The following ANKHD1 variants were observed in gnomAD, a reference collection of about 807,000 sequenced individuals.
The protein encoded by ANKHD1 is ankyrin repeat and KH domain-containing protein 1.
ANKHD1 carries 31 observed loss-of-function variants against 230.5 expected under a neutral mutation model. The ratio of observed to expected loss-of-function variants is 0.13; its 90% CI spans 0.10 to 0.18. ANKHD1 has a LOEUF of 0.18. Ranked by LOEUF, ANKHD1 falls within the 10% of genes least tolerant of loss-of-function variation. ANKHD1 has a pLI of 1.00. For synonymous variants in ANKHD1, 1,074 were observed against 1,117.6 expected, an observed-to-expected ratio of 0.96 and a Z score of 0.78; for missense variants, 2,256 against 3,071.3, an observed-to-expected ratio of 0.73 and a Z score of 6.27.
At chr5:140,437,157 T>C (rs765488287) in intron 2 of ANKHD1, among the ~76,000 whole-genome samples, 1 of 152,224 alleles carries the variant, frequency 6.6e-6, no homozygotes, top group Non-Finnish European at 1.5e-5. Context: ...ATATAATTTA[T>C]TGTGGGTATC....
At position 140,401,847 on chromosome 5, in the gene ANKHD1, G is replaced by C; in HGVS notation, c.-121G>C. The C allele has an allele frequency of 1.4e-6, 2 of 1,395,090 alleles. No homozygotes were observed. Among genetic ancestry groups the C allele is most frequent in the Non-Finnish European group, 1.9e-6 (2 of 1,077,514 alleles). The allele number at this position is 1,395,090 out of a possible 1,614,324, so 86.4% of individuals were successfully genotyped here. A position where few individuals can be genotyped will look rare whatever the true frequency, so the allele number is the denominator to read the frequency against. ...GCAGGTTAGGCAGTGAGAAGTTAGT[G>C]GCGCTGCTGGGACGGGGGAAAGGAG... On this transcript the variant is annotated 5_prime_UTR_variant, in exon 1 of 34. Coordinates refer to ENST00000360839, the MANE Select transcript of ANKHD1 (RefSeq NM_017747.3).
intron 1 of ANKHD1, 62 bp downstream of exon 1, chr5:140,402,335 T>A (rs1770012831): frequency 7.2e-7 from 1 of 1,395,312 alleles, no homozygotes; most frequent in Admixed American, 3.2e-5. Flanking sequence ...TTGGGTAGGC[T>A]CTGGGCCGGG....
Position 140,527,965 on chromosome 5 carries a change from C to G in ANKHD1, c.5180C>G (p.Ala1727Gly). The change falls in exon 28 of 34, where the codon GCC becomes GGC. Residue 1727 changes from alanine to glycine, a missense_variant. Coordinates refer to ENST00000360839, the MANE Select transcript of ANKHD1 (RefSeq NM_017747.3). This position sits in a 1 kb window ranked among gnomAD's most constrained non-coding sequence, Gnocchi z 4.5. ...ACTGCAATACAGGATGTTACTGGTG[C>G]CCATATTGATGTGGATAAACAAAAA... ...NITAIQDVTG[A>G]HIDVDKQKDK... 6.2e-7 allele frequency: 1 copy of G among 1,613,656 alleles called. No individual in the cohort carries two copies. Among genetic ancestry groups the G allele is most frequent in the African/African-American group, 1.3e-5 (1 of 74,918 alleles).
intron 20 of ANKHD1, among the ~76,000 whole-genome samples, chr5:140,508,393 C>A (rs1561811571): frequency 6.6e-6 from 1 of 152,108 alleles, no homozygotes; most frequent in Non-Finnish European, 1.5e-5. Flanking sequence ...AAAATTAGGG[C>A]AGCTAACATC....
chr5:140,439,200 C>T lies in ANKHD1; in HGVS notation c.617+583C>T, dbSNP rs1431574033. ...TGGTAAAATAGTTTTCTTAGGTTTT[C>T]GCCTTCACTGTTACTAAGTAAAAAT... is the stretch of plus-strand genomic sequence containing the variant. On this transcript the variant is annotated intron_variant, in intron 3 of 33. Coordinates refer to ENST00000360839, the MANE Select transcript of ANKHD1 (RefSeq NM_017747.3). Among the ~76,000 whole-genome samples the T allele has an allele frequency of 4.6e-5, 7 of 152,234 alleles. No homozygotes were observed. In the East Asian group the frequency reaches 7.7e-4, roughly 17 times the overall value.
intron 23 of ANKHD1, among the ~76,000 whole-genome samples, 186 bp downstream of exon 23, chr5:140,513,109 CTG>C (rs1195441677): frequency 7.9e-5 from 12 of 152,198 alleles, no homozygotes; most frequent in Non-Finnish European, 1.6e-4. Flanking sequence ...GAGATTTCTA[CTG>C]TGGACCATAG....
Position 140,507,643 on chromosome 5 carries a change from T to C in ANKHD1, c.3552-142T>C. ...TTTAAATTGTGACATTTTCTTATTC[T>C]TTATTATTGGTCGAAACAAGTAAAA... On this transcript the variant is annotated intron_variant, in intron 19 of 33. Coordinates refer to ENST00000360839, the MANE Select transcript of ANKHD1 (RefSeq NM_017747.3). This position sits in a 1 kb window ranked among gnomAD's most constrained non-coding sequence, Gnocchi z 4.1. 1.9e-6 allele frequency: 2 copies of C among 1,059,084 alleles called. No individual in the cohort carries two copies. The highest frequency in any genetic ancestry group is 2.7e-6 in the Non-Finnish European group (2 of 752,046). The allele number at this position is 1,059,084 out of a possible 1,614,324, so 65.6% of individuals were successfully genotyped here.
chr5:140,511,759 C>A (rs1429322443), intron 22 of ANKHD1, among the ~76,000 whole-genome samples: 5 of 152,136 alleles, frequency 3.3e-5, no homozygotes, highest in Non-Finnish European at 5.9e-5. Context: ...ATACATGTAA[C>A]CCATACCCCA....
intron 6 of ANKHD1, among the ~76,000 whole-genome samples, 178 bp from the exon 7 acceptor site, chr5:140,449,033 A>G (rs954107469): frequency 1.3e-5 from 2 of 152,228 alleles, no homozygotes; most frequent in South Asian, 2.1e-4. Context: ...AAGACCTTGA[A>G]AAAAGCCTGT....
chr5:140,508,092 C>A, intron 20 of ANKHD1, 94 bp downstream of exon 20: 1 of 1,425,666 alleles, frequency 7.0e-7, no homozygotes, highest in Non-Finnish European at 9.3e-7. Flanking sequence ...TTTAAATTAT[C>A]ATAAATTAAA....
Position 140,476,767 on chromosome 5 carries a change from G to C in ANKHD1, c.1783-5813G>C, listed in dbSNP as rs116772659. 4.2e-3 allele frequency among the ~76,000 whole-genome samples: 641 copies of C among 152,144 alleles called. 3 individuals are homozygous for C. The highest frequency in any genetic ancestry group is 0.015 in the African/African-American group (609 of 41,542). On this transcript the variant is annotated intron_variant, in intron 10 of 33. Coordinates refer to ENST00000360839, the MANE Select transcript of ANKHD1 (RefSeq NM_017747.3). The stretch of plus-strand genomic sequence containing the variant: ...GATACAAGAAACTACGGTAAGCAAA[G>C]AAATTGATAAAACATATTATAAATA...
intron 1 of ANKHD1, among the ~76,000 whole-genome samples, chr5:140,435,394 T>G (rs1365065512): frequency 6.6e-6 from 1 of 151,508 alleles, no homozygotes; most frequent in Non-Finnish European, 1.5e-5. Context: ...TTTTTTTTTT[T>G]GAGATGGAGT....
chr5:140,456,080 A>T (rs1479051377), intron 7 of ANKHD1, among the ~76,000 whole-genome samples: 1 of 152,214 alleles, frequency 6.6e-6, no homozygotes, highest in Non-Finnish European at 1.5e-5. Flanking sequence ...ACAGACAGAG[A>T]GCCAAATCAT....
intron 10 of ANKHD1, among the ~76,000 whole-genome samples, chr5:140,482,216 C>G (rs914217596): frequency 1.3e-5 from 2 of 152,090 alleles, no homozygotes; most frequent in Non-Finnish European, 2.9e-5. Flanking sequence ...GATCAAGATT[C>G]TTCTAATCAT....
chr5:140,519,730 G>C (rs1393212163), intron 24 of ANKHD1, among the ~76,000 whole-genome samples: 1 of 152,158 alleles, frequency 6.6e-6, no homozygotes, highest in Admixed American at 6.5e-5. Context: ...GCCATATGTA[G>C]AAAGCTGAAA....
At chr5:140,410,231 T>TACACAGATGGTAAGATGCTA (rs1554083084) in intron 1 of ANKHD1, among the ~76,000 whole-genome samples, 3 of 152,206 alleles carry the variant, frequency 2.0e-5, no homozygotes, top group African/African-American at 7.2e-5. Context: ...TCCCTACTGT[T>TACACAGATGGTAAGATGCTA]ACACAGATGG....
chr5:140,528,636 A>G lies in ANKHD1; in HGVS notation c.5690A>G (p.Asn1897Ser). ...GGACCATTCCCAGTGAGACCTGTGA[A>G]TCCTGGCAACACAAATAGCTCTCCA... ...TWGPFPVRPV[N>S]PGNTNSSPKH... The change falls in exon 29 of 34, where the codon AAT becomes AGT. Residue 1897 changes from asparagine (N) to serine (S), a missense_variant. Asn to Ser is a conservative substitution (Grantham distance 46). Transcript: ENST00000360839. 2.5e-6 allele frequency: 4 copies of G among 1,614,186 alleles called. No homozygotes were observed. Among genetic ancestry groups the G allele is most frequent in the Non-Finnish European group, 3.4e-6 (4 of 1,180,032 alleles).
chr5:140,439,987 A>G, intron 3 of ANKHD1, 132 bp from the exon 4 acceptor site: 1 of 1,145,328 alleles, frequency 8.7e-7, no homozygotes, highest in Middle Eastern at 3.0e-4. Flanking sequence ...TCAGCAAGTA[A>G]TATGTTCATA....
Position 140,496,853 on chromosome 5 carries a change from C to T in ANKHD1, c.2579C>T (p.Thr860Ile). Residue 860 changes from threonine (T) to isoleucine (I), a missense_variant, in exon 15 of 34, where the codon ACC becomes ATC. Thr to Ile is a moderately conservative substitution (Grantham distance 89, BLOSUM62 -1). This residue lies in a region of ANKHD1 where 358 missense variants were observed against 397.7 expected (regional missense o/e 0.90). Transcript: ENST00000360839. ...CAATTTACCAAAGAATACTTGGAAA[C>T]CAAAGGTCAGAAAGACACAGTGTCT... ...QQQFTKEYLETKGQKDTVSLH... is the reference protein window; with the variant it reads ...QQQFTKEYLEIKGQKDTVSLH... 1 of 1,614,058 alleles carries T rather than the reference C, an allele frequency of 6.2e-7. No individual in the cohort carries two copies. Among genetic ancestry groups the T allele is most frequent in the Non-Finnish European group, 8.5e-7 (1 of 1,180,010 alleles).
Sources: allele counts gnomAD v4.1 joint callset (sites outside exome capture counted in the v4.1 genomes callset), GRCh38; gene constraint gnomAD v4.1.1; regional missense constraint gnomAD v4.1.1; non-coding constraint Gnocchi (gnomAD v3.1); transcripts MANE v1.5; gene names NCBI Gene and HGNC (gene_info 2026-07-23, HGNC 2026-07-21).